Variants in SLC22A23 observed in about 807,000 individuals in gnomAD.
SLC22A23 encodes solute carrier family 22 member 23, also known as ion transporter protein.
In SLC22A23, 26 loss-of-function variants were observed where a neutral mutation model predicts 61.0. The observed-to-expected ratio is 0.43, with a 90% CI of 0.31 to 0.59. The LOEUF is 0.59. Among genes scored for constraint, SLC22A23 ranks in the 20% least tolerant of loss-of-function variants. The pLI, the probability that SLC22A23 is intolerant of heterozygous loss-of-function variation, is 0.11. For synonymous variants in SLC22A23, 430 were observed against 413.9 expected, an observed-to-expected ratio of 1.04 and a Z score of -0.47; for missense variants, 796 against 934.7, an observed-to-expected ratio of 0.85 and a Z score of 1.94.
At chr6:3,400,736 T>C (rs1768329071) in intron 3 of SLC22A23, among the ~76,000 whole-genome samples, 1 of 152,244 alleles carries the variant, frequency 6.6e-6, no homozygotes, top group Non-Finnish European at 1.5e-5. Context: ...GTGTGTGCAC[T>C]TGGGTGTGTG....
chr6:3,286,080 ACT>A lies in SLC22A23; in HGVS notation c.1546+777_1546+778del, dbSNP rs989099020. Among the ~76,000 whole-genome samples, 4 of 145,960 alleles carry A rather than the reference ACT, an allele frequency of 2.7e-5. No homozygotes were observed. The highest frequency in any genetic ancestry group is 1.0e-4 in the African/African-American group (4 of 39,520). ...AGAGCTTGCTGGAAGGGCCAGATGG[ACT>A]CTCTAGCTTTGCCTTAGATTTTTTT... On this transcript the variant is annotated intron_variant, in intron 7 of 9. Coordinates refer to ENST00000406686, the MANE Select transcript of SLC22A23 (RefSeq NM_015482.2). This position sits in a 1 kb window ranked among gnomAD's most constrained non-coding sequence, Gnocchi z 4.2.
intron 3 of SLC22A23, among the ~76,000 whole-genome samples, chr6:3,399,298 T>C (rs1447350230): frequency 6.6e-6 from 1 of 152,176 alleles, no homozygotes; most frequent in Non-Finnish European, 1.5e-5. Flanking sequence ...ATTTTCTAAG[T>C]CTTACATGGA....
At chr6:3,401,660 C>T (rs1768400673) in intron 3 of SLC22A23, among the ~76,000 whole-genome samples, 1 of 152,178 alleles carries the variant, frequency 6.6e-6, no homozygotes, top group Admixed American at 6.5e-5. Context: ...CCTTCCTTGG[C>T]TCCCTGGTAA....
In SLC22A23 at chr6:3,287,101, C is replaced by T. The variant is rs1760085156; in HGVS notation, c.1314-10G>A. On this transcript the variant is annotated splice_polypyrimidine_tract_variant and intron_variant, in intron 6 of 9. Transcript: ENST00000406686. ...CCCGTACCCCGTCAGCCTGTGGAGA[C>T]ATACCGAGCGGCAGTGGGTGGGCTG... 1.9e-6 allele frequency: 3 copies of T among 1,613,214 alleles called. No homozygotes were observed. The highest frequency in any genetic ancestry group is 2.5e-6 in the Non-Finnish European group (3 of 1,179,548).
intron 6 of SLC22A23, among the ~76,000 whole-genome samples, chr6:3,289,254 C>T (rs921195495): frequency 4.6e-5 from 7 of 152,220 alleles, no homozygotes; most frequent in Admixed American, 2.0e-4. Flanking sequence ...GCAGGCGGGG[C>T]GACCTGGGCC....
intron 9 of SLC22A23, among the ~76,000 whole-genome samples, chr6:3,281,442 GAAAAGTATAAAAGCATTT>G (rs1194060079): frequency 2.6e-5 from 4 of 152,328 alleles, no homozygotes; most frequent in Non-Finnish European, 5.9e-5. Flanking sequence ...GAACAAGTAT[GAAAAGTATAAAAGCATTT>G]TTTGAACTTT....
At chr6:3,412,965 A>G (rs1314887121) in intron 2 of SLC22A23, among the ~76,000 whole-genome samples, 1 of 152,212 alleles carries the variant, frequency 6.6e-6, no homozygotes, top group African/African-American at 2.4e-5. Context: ...ACTTTAGACC[A>G]GTGAGACCTT....
chr6:3,402,454 T>C (rs28571225), intron 3 of SLC22A23, among the ~76,000 whole-genome samples: 318 of 134,324 alleles, frequency 2.4e-3, no homozygotes, highest in Middle Eastern at 4.2e-3. Flanking sequence ...TGCACTAGGC[T>C]CTAGCTAAGC....
chr6:3,293,329 G>A lies in SLC22A23; in HGVS notation c.1211-3463C>T, dbSNP rs190526671. Among the ~76,000 whole-genome samples the A allele has an allele frequency of 4.6e-3, 708 of 152,306 alleles. 8 individuals are homozygous for A. The highest frequency in any genetic ancestry group is 0.015 in the African/African-American group (640 of 41,562). ...GAGTCATTAAAAAAGCACACCAAAC[G>A]CTCCAAGGAGGCAGCCCTGAGCCCC... is the stretch of plus-strand genomic sequence containing the variant. On this transcript the variant is annotated intron_variant, in intron 5 of 9. Coordinates refer to ENST00000406686, the MANE Select transcript of SLC22A23 (RefSeq NM_015482.2).
chr6:3,287,952 TG>T (rs1360531304), intron 6 of SLC22A23, among the ~76,000 whole-genome samples: 3 of 152,222 alleles, frequency 2.0e-5, no homozygotes, highest in African/African-American at 7.2e-5. Flanking sequence ...CCCAAAGTGT[TG>T]GGATTACAGG....
intron 1 of SLC22A23, among the ~76,000 whole-genome samples, chr6:3,451,955 C>A (rs1772173081): frequency 6.6e-6 from 1 of 152,144 alleles, no homozygotes; most frequent in Non-Finnish European, 1.5e-5. Flanking sequence ...GTGTGAGTAT[C>A]TGAAGTACAC....
intron 6 of SLC22A23, among the ~76,000 whole-genome samples, 178 bp from the exon 7 acceptor site, chr6:3,287,269 C>T (rs564653197): frequency 9.2e-5 from 14 of 152,320 alleles, no homozygotes; most frequent in Admixed American, 3.9e-4. Flanking sequence ...AAAGAGGAGA[C>T]GTGGGAGAAA....
chr6:3,340,333 C>T (rs1025657638), intron 3 of SLC22A23, among the ~76,000 whole-genome samples: 9 of 152,142 alleles, frequency 5.9e-5, no homozygotes, highest in South Asian at 2.1e-4. Context: ...AAACGCCCGC[C>T]GGTCACATTC....
chr6:3,324,313 C>T lies in SLC22A23; in HGVS notation c.914-311G>A, dbSNP rs893501871. 3.4e-5 allele frequency: 11 copies of T among 327,728 alleles called. No individual in the cohort carries two copies. Among genetic ancestry groups the T allele is most frequent in the Admixed American group, 8.4e-5 (2 of 23,930 alleles). 20.3% of individuals were successfully genotyped at this position (327,728 alleles called of 1,614,324 possible). On this transcript the variant is annotated intron_variant, in intron 3 of 9. Transcript: ENST00000406686. The surrounding 1 kb of genome is among the most constrained non-coding windows in gnomAD (Gnocchi z 4.3). ...CCTATGGGACAGATCGCCCATTGTT[C>T]CTGCTTCCTCTGCTCTCCAGACGTC...
chr6:3,278,749 A>C (rs1323460681), intron 9 of SLC22A23, among the ~76,000 whole-genome samples: 1 of 152,224 alleles, frequency 6.6e-6, no homozygotes. Flanking sequence ...TTTCTGGTAG[A>C]CCTGGCTCTT....
chr6:3,361,063 C>T (rs1480381511), intron 3 of SLC22A23, among the ~76,000 whole-genome samples: 1 of 151,236 alleles, frequency 6.6e-6, no homozygotes, highest in Non-Finnish European at 1.5e-5. Context: ...TACCCACCCC[C>T]CCCATTTTAT....
At chr6:3,370,297 CA>C (rs1175542587) in intron 3 of SLC22A23, among the ~76,000 whole-genome samples, 1 of 152,252 alleles carries the variant, frequency 6.6e-6, no homozygotes, top group African/African-American at 2.4e-5. Context: ...ATGCTTAAAA[CA>C]AGCTTCAGAG....
rs76944317 is a variant in SLC22A23, at chr6:3,449,236, G to T, written c.654+6670C>A. ...CATAAAAATGTTAGAAGAAAACATA[G>T]GATTTCCCCCCAGTCTTCCAGGAAT... On this transcript the variant is annotated intron_variant, in intron 1 of 9. Transcript: ENST00000406686. 3.2e-3 allele frequency among the ~76,000 whole-genome samples: 484 copies of T among 152,256 alleles called. 1 individual carries two copies. Among genetic ancestry groups the T allele is most frequent in the African/African-American group, 0.011 (458 of 41,552 alleles).
chr6:3,447,897 C>CTTT (rs56148243), intron 1 of SLC22A23, among the ~76,000 whole-genome samples: 14 of 82,354 alleles, frequency 1.7e-4, no homozygotes, highest in East Asian at 7.8e-4. Flanking sequence ...CTCTCTCTCT[C>CTTT]TTTTTTTTTT....
Sources: gnomAD v4.1 joint callset for allele counts (sites outside exome capture counted in the v4.1 genomes callset) on GRCh38, gnomAD v4.1.1 for gene constraint, Gnocchi (gnomAD v3.1) non-coding constraint, MANE v1.5 for transcripts, NCBI Gene and HGNC (gene_info 2026-07-23, HGNC 2026-07-21) for gene names.